The following TRIM33 variants were observed in gnomAD, a reference collection of about 807,000 sequenced individuals.
The protein encoded by TRIM33 is tripartite motif containing 33, also known as E3 ubiquitin-protein ligase TRIM33.
TRIM33 carries 20 observed loss-of-function variants against 125.4 expected under a neutral mutation model. The ratio of observed to expected loss-of-function variants is 0.16; its 90% CI spans 0.11 to 0.23. TRIM33 has a LOEUF of 0.23. Ranked by LOEUF, TRIM33 falls within the 10% of genes least tolerant of loss-of-function variation. The pLI is 1.00. For synonymous variants in TRIM33, 564 were observed against 513.9 expected, an observed-to-expected ratio of 1.10 and a Z score of -1.32; for missense variants, 920 against 1,411.4, an observed-to-expected ratio of 0.65 and a Z score of 5.58.
In TRIM33 at chr1:114,510,684, G is replaced by A. The variant is rs1557911747; in HGVS notation, c.393C>T (p.Ser131=). The part of the protein sequence containing the change: ...LLDTCAVCQQ[S]LQSRREAEPK... The stretch of plus-strand genomic sequence containing the variant: ...GCTCCGCCTCACGCCGGCTCTGCAA[G>A]CTCTGCTGACACACGGCGCAGGTGT... The change falls in exon 1 of 20, where the codon AGC becomes AGT. Residue 131 remains serine (S), a synonymous_variant. Transcript: ENST00000358465. The A allele has an allele frequency of 1.3e-6, 2 of 1,547,094 alleles. No homozygotes were observed. The highest frequency in any genetic ancestry group is 1.7e-6 in the Non-Finnish European group (2 of 1,152,260).
rs66490349 is a variant in TRIM33, at chr1:114,397,589, G to GTTT, written c.*56_*58dup. 5.0e-3 allele frequency: 3,217 copies of GTTT among 639,694 alleles called. 47 individuals carry two copies. The highest frequency in any genetic ancestry group is 0.014 in the African/African-American group (523 of 36,418). 39.6% of individuals were successfully genotyped at this position (639,694 alleles called of 1,614,324 possible). On this transcript the variant is annotated 3_prime_UTR_variant, in exon 20 of 20. Coordinates refer to ENST00000358465, the MANE Select transcript of TRIM33 (RefSeq NM_015906.4). The stretch of plus-strand genomic sequence containing the variant: ...CTTAAAAGTTTTCTGGGTTTTTTGT[G>GTTT]TTTTTTTTTTTTTTTTCGTTTTTTT...
chr1:114,482,400 G>A (rs150760400), intron 1 of TRIM33, among the ~76,000 whole-genome samples: 1 of 152,242 alleles, frequency 6.6e-6, no homozygotes, highest in African/African-American at 2.4e-5. Flanking sequence ...GAAGAAAGGG[G>A]AACGAAACTC....
intron 11 of TRIM33, among the ~76,000 whole-genome samples, chr1:114,419,038 T>C (rs1653106607): frequency 6.6e-6 from 1 of 151,634 alleles, no homozygotes; most frequent in Non-Finnish European, 1.5e-5. Flanking sequence ...TGAAACTCCA[T>C]CTCTACTAAA....
chr1:114,489,865 C>A (rs1282552279), intron 1 of TRIM33, among the ~76,000 whole-genome samples: 2 of 151,682 alleles, frequency 1.3e-5, no homozygotes, highest in African/African-American at 4.8e-5. Flanking sequence ...TATTTTTCCA[C>A]ACACAAAAAA....
Position 114,427,310 on chromosome 1 carries a change from AT to A in TRIM33, c.1303-17del. ...GGAAAGTAATCTTAAAGGGAAAAAAATCCACATTAGTCTCAAAATTAAATAT... is the reference window on the plus strand; with the variant it reads ...GGAAAGTAATCTTAAAGGGAAAAAAACCACATTAGTCTCAAAATTAAATAT... On this transcript the variant is annotated splice_polypyrimidine_tract_variant and intron_variant, in intron 7 of 19. Transcript: ENST00000358465. 8.2e-7 allele frequency: 1 copy of A among 1,212,528 alleles called. No individual in the cohort carries two copies. Among genetic ancestry groups the A allele is most frequent in the East Asian group, 2.3e-5 (1 of 42,734 alleles). 75.1% of individuals were successfully genotyped at this position (1,212,528 alleles called of 1,614,324 possible).
At chr1:114,451,469 G>A (rs1385209914) in intron 4 of TRIM33, among the ~76,000 whole-genome samples, 1 of 150,594 alleles carries the variant, frequency 6.6e-6, no homozygotes, top group African/African-American at 2.4e-5. Flanking sequence ...TTCCTTTAAT[G>A]TGAATAGAAT....
intron 4 of TRIM33, among the ~76,000 whole-genome samples, chr1:114,439,418 A>G (rs1648504448): frequency 1.4e-5 from 2 of 146,874 alleles, no homozygotes; most frequent in Admixed American, 1.4e-4. Context: ...GCAGTGAGCC[A>G]AGATTGCGCC....
chr1:114,431,602 A>T (rs1338333600), intron 5 of TRIM33, among the ~76,000 whole-genome samples: 1 of 152,234 alleles, frequency 6.6e-6, no homozygotes, highest in Non-Finnish European at 1.5e-5. Flanking sequence ...CACTATAAAT[A>T]TATAAAATGT....
chr1:114,422,667 T>C (rs1258384539), intron 10 of TRIM33, among the ~76,000 whole-genome samples: 1 of 150,238 alleles, frequency 6.7e-6, no homozygotes, highest in Non-Finnish European at 1.5e-5. Context: ...AAAAAACCTG[T>C]AGAAATAATC....
Position 114,406,935 on chromosome 1 carries a change from G to A in TRIM33, c.2418+6C>T. Reference sequence around the variant, plus strand: ...AAGTCCCTGTCAGACTCCAGTGGGAGCTTACCATGCAAGCACTCCTCCTGC... The same window carrying A: ...AAGTCCCTGTCAGACTCCAGTGGGAACTTACCATGCAAGCACTCCTCCTGC... On this transcript the variant is annotated splice_donor_region_variant and intron_variant, in intron 14 of 19. Transcript: ENST00000358465. 1.2e-6 allele frequency: 2 copies of A among 1,612,486 alleles called. No homozygotes were observed. Among genetic ancestry groups the A allele is most frequent in the South Asian group, 2.2e-5 (2 of 90,818 alleles).
At position 114,436,401 on chromosome 1, in the gene TRIM33, A is replaced by G. The variant is rs529337589; in HGVS notation, c.924-2668T>C. Among the ~76,000 whole-genome samples the G allele has an allele frequency of 7.1e-3, 552 of 78,162 alleles. 5 individuals carry two copies. The highest frequency in any genetic ancestry group is 0.039 in the African/African-American group (523 of 13,300). 51.3% of individuals were successfully genotyped at this position (78,162 alleles called of 152,430 possible). A position where few individuals can be genotyped will look rare whatever the true frequency, so the allele number is the denominator to read the frequency against. On this transcript the variant is annotated intron_variant, in intron 4 of 19. Coordinates refer to ENST00000358465, the MANE Select transcript of TRIM33 (RefSeq NM_015906.4). ...TGGTGACAGAGTGAGACTCTGTCTC[A>G]AAAAAAAAAAAAAAAAAAAAAAAGA... is the stretch of plus-strand genomic sequence containing the variant.
At chr1:114,401,069 C>A (rs1169585667) in intron 17 of TRIM33, among the ~76,000 whole-genome samples, 1 of 149,644 alleles carries the variant, frequency 6.7e-6, no homozygotes, top group Non-Finnish European at 1.5e-5. Flanking sequence ...CGGAGTCTCG[C>A]TCTGTCGCCC....
intron 1 of TRIM33, among the ~76,000 whole-genome samples, chr1:114,472,358 A>G (rs1304337873): frequency 6.6e-6 from 1 of 152,234 alleles, no homozygotes; most frequent in Non-Finnish European, 1.5e-5. Flanking sequence ...AAAATTTTTC[A>G]AGTGGAATTT....
chr1:114,480,492 AAAAG>A (rs1651255106), intron 1 of TRIM33, among the ~76,000 whole-genome samples: 3 of 137,872 alleles, frequency 2.2e-5, no homozygotes, highest in African/African-American at 8.8e-5. Flanking sequence ...AAAAAAAAAA[AAAAG>A]AAGTGAAAAG....
At chr1:114,421,217 G>A (rs746393117) in intron 11 of TRIM33, among the ~76,000 whole-genome samples, 3 of 152,106 alleles carry the variant, frequency 2.0e-5, no homozygotes, top group Admixed American at 6.5e-5. Flanking sequence ...TGGTTAACTG[G>A]AGGCTAGAGG....
At chr1:114,467,644 T>C (rs1222654755) in intron 1 of TRIM33, among the ~76,000 whole-genome samples, 1 of 152,178 alleles carries the variant, frequency 6.6e-6, no homozygotes, top group African/African-American at 2.4e-5. Flanking sequence ...AGGACACAAA[T>C]ACATACCTGT....
intron 11 of TRIM33, among the ~76,000 whole-genome samples, chr1:114,413,156 A>T (rs1029976873): frequency 7.9e-5 from 12 of 152,210 alleles, no homozygotes; most frequent in Non-Finnish European, 1.5e-5. Context: ...TAATAGTAAC[A>T]TGTGAGAGAT....
chr1:114,498,203 A>G lies in TRIM33; in HGVS notation c.526+12348T>C, dbSNP rs143536657. On this transcript the variant is annotated intron_variant, in intron 1 of 19. Coordinates refer to ENST00000358465, the MANE Select transcript of TRIM33 (RefSeq NM_015906.4). Reference sequence around the variant, plus strand: ...GGAATCAGTATACCTGAAATGTTTCAAAAGTAAAAAGTCAAATGAAAAATA... The same window carrying G: ...GGAATCAGTATACCTGAAATGTTTCGAAAGTAAAAAGTCAAATGAAAAATA... Among the ~76,000 whole-genome samples the G allele has an allele frequency of 4.2e-3, 642 of 152,150 alleles. 1 individual carries two copies. Among genetic ancestry groups the G allele is most frequent in the African/African-American group, 0.014 (591 of 41,520 alleles).
chr1:114,480,885 T>TA (rs1317085933), intron 1 of TRIM33, among the ~76,000 whole-genome samples: 11 of 151,774 alleles, frequency 7.2e-5, no homozygotes, highest in Admixed American at 3.3e-4. Flanking sequence ...GAGGAGAAGA[T>TA]AAAATCATGA....
Sources: gnomAD v4.1 joint callset for allele counts (sites outside exome capture counted in the v4.1 genomes callset) on GRCh38, gnomAD v4.1.1 for gene constraint, MANE v1.5 for transcripts, NCBI Gene and HGNC (gene_info 2026-07-23, HGNC 2026-07-21) for gene names.